Variants in SPATS1 observed in about 807,000 individuals in gnomAD.
The protein encoded by SPATS1 is spermatogenesis-associated serine-rich protein 1.
In SPATS1, 23 loss-of-function variants were observed where a neutral mutation model predicts 33.6. The ratio of observed to expected loss-of-function variants is 0.68; its 90% CI spans 0.49 to 0.97. The LOEUF (loss-of-function observed/expected upper bound fraction) is 0.97, where lower values mean the gene tolerates loss of function less well. SPATS1 is among the 50% of genes least tolerant of loss of function. The probability of loss-of-function intolerance (pLI) is 0.00; values close to 1 mark genes in which losing one functional copy is unlikely to be tolerated. For missense variants in SPATS1, 327 were observed against 361.0 expected, an observed-to-expected ratio of 0.91 and a Z score of 0.76; for synonymous variants, 131 against 125.6, an observed-to-expected ratio of 1.04 and a Z score of -0.29.
At position 44,379,532 on chromosome 6, in the gene SPATS1, G is replaced by A. The variant is rs1338896830; in HGVS notation, c.*2469G>A. On this transcript the variant is annotated 3_prime_UTR_variant, in exon 9 of 9. Transcript: ENST00000674044. ...GGAGAATGGTGTCAACCTGGGAGGC[G>A]GAGCTTGCAGTGACCCAAGATTGTG... Among the ~76,000 whole-genome samples the A allele has an allele frequency of 2.0e-5, 3 of 146,954 alleles. No homozygotes were observed. The highest frequency in any genetic ancestry group is 6.9e-5 in the Admixed American group (1 of 14,548).
chr6:44,374,013 A>G (rs1434677247), intron 7 of SPATS1, among the ~76,000 whole-genome samples: 1 of 152,254 alleles, frequency 6.6e-6, no homozygotes, highest in Admixed American at 6.5e-5. Flanking sequence ...ATGTGTACAT[A>G]GAGGAAAGAC....
intron 7 of SPATS1, among the ~76,000 whole-genome samples, chr6:44,372,124 C>T (rs376888875): frequency 6.9e-4 from 100 of 145,360 alleles, no homozygotes; most frequent in African/African-American, 7.7e-4. Context: ...TGTGGTGGCG[C>T]GCACCTGTAG....
At position 44,368,441 on chromosome 6, in the gene SPATS1, G is replaced by A; in HGVS notation, c.637G>A (p.Glu213Lys). ...AGGCGACAATCCATATATGTACCCA[G>A]AACAGAGTAAAGGCTTCCACAAAGC... is the stretch of plus-strand genomic sequence containing the variant. ...TPGDNPYMYP[E>K]QSKGFHKAGS... The change falls in exon 6 of 9, where the codon GAA becomes AAA. Residue 213 changes from glutamate to lysine, a missense_variant. Physicochemically the swap from Glu to Lys is moderately conservative, Grantham distance 56. Transcript: ENST00000674044. 1 of 1,613,724 alleles carries A rather than the reference G, an allele frequency of 6.2e-7. No individual in the cohort carries two copies. Among genetic ancestry groups the A allele is most frequent in the South Asian group, 1.1e-5 (1 of 91,040 alleles).
chr6:44,360,462 G>T lies in SPATS1; in HGVS notation c.304G>T (p.Asp102Tyr). ...TCTTTCCAGCACCACTGCTGACTTG[G>T]ATCGGAAACTCTCCTTCTCACATTC... The part of the protein sequence containing the change: ...SAYVDTTADL[D>Y]RKLSFSHSDH... The change falls in exon 4 of 9, where the codon GAT becomes TAT. Residue 102 changes from aspartate (D) to tyrosine (Y), a missense_variant. Asp to Tyr is a radical substitution (Grantham distance 160). Coordinates refer to ENST00000674044, the MANE Select transcript of SPATS1 (RefSeq NM_001372081.1). 1 of 1,614,122 alleles carries T rather than the reference G, an allele frequency of 6.2e-7. No individual in the cohort carries two copies. Among genetic ancestry groups the T allele is most frequent in the Non-Finnish European group, 8.5e-7 (1 of 1,180,024 alleles).
chr6:44,346,029 T>G (rs1787859836), intron 2 of SPATS1, among the ~76,000 whole-genome samples: 1 of 152,166 alleles, frequency 6.6e-6, no homozygotes. Flanking sequence ...GTCTCATGCC[T>G]GTAATCCCAG....
At chr6:44,370,158 T>A (rs1207936603) in intron 7 of SPATS1, 45 bp downstream of exon 7, 2 of 1,528,862 alleles carry the variant, frequency 1.3e-6, no homozygotes, top group Admixed American at 3.4e-5. Context: ...CTTTATTAAA[T>A]ATCGATTATT....
chr6:44,356,576 C>G (rs148611638), intron 3 of SPATS1, among the ~76,000 whole-genome samples: 3 of 152,198 alleles, frequency 2.0e-5, no homozygotes, highest in Non-Finnish European at 4.4e-5. Context: ...GGAGGATCCA[C>G]TTCCAAGCTC....
In SPATS1 at chr6:44,363,672, TTCCTTCCC is replaced by T. The variant is rs1317342684; in HGVS notation, c.574+1696_574+1703del. Among the ~76,000 whole-genome samples the T allele has an allele frequency of 4.8e-4, 12 of 25,050 alleles. 1 individual carries two copies. Among genetic ancestry groups the T allele is most frequent in the Non-Finnish European group, 1.9e-3 (11 of 5,938 alleles). The allele number at this position is 25,050 out of a possible 152,430, so 16.4% of individuals were successfully genotyped here. On this transcript the variant is annotated intron_variant, in intron 5 of 8. Coordinates refer to ENST00000674044, the MANE Select transcript of SPATS1 (RefSeq NM_001372081.1). ...CTTCCTTCCCTCCTTCCCTCCTTCC[TTCCTTCCC>T]TCCTTCCCTCCTTCCTTCCTTCCCT...
rs1561955556 is a variant in SPATS1, at chr6:44,352,810, C to CAG, written c.224_225insAG (p.Glu77TrpfsTer20). 13 of 1,614,162 alleles carry CAG rather than the reference C, an allele frequency of 8.1e-6. No individual in the cohort carries two copies. The highest frequency in any genetic ancestry group is 1.7e-6 in the Non-Finnish European group (2 of 1,180,002). ...GGCAAAAGTGTCAGTTCCTCATCTT[C>CAG]TGTGGAAACAGGCCCAAGTGTCAGT... On this transcript the variant is annotated frameshift_variant, in exon 3 of 9. Transcript: ENST00000674044. LOFTEE classifies it high-confidence loss of function.
intron 3 of SPATS1, among the ~76,000 whole-genome samples, chr6:44,358,469 C>T (rs983099779): frequency 1.6e-4 from 24 of 152,224 alleles, no homozygotes; most frequent in Middle Eastern, 3.4e-3. Flanking sequence ...ATTATTTCTT[C>T]GTCTTCTTTA....
At chr6:44,368,800 T>G (rs1482082998) in intron 6 of SPATS1, among the ~76,000 whole-genome samples, 1 of 152,200 alleles carries the variant, frequency 6.6e-6, no homozygotes, top group Non-Finnish European at 1.5e-5. Flanking sequence ...TAGTGACTAC[T>G]ATGTGGGTGG....
chr6:44,353,435 G>C (rs958444290), intron 3 of SPATS1, among the ~76,000 whole-genome samples: 5 of 152,128 alleles, frequency 3.3e-5, no homozygotes, highest in African/African-American at 4.8e-5. Context: ...ACCCAGGCTG[G>C]AGTAGAGTGG....
chr6:44,362,014 T>C, intron 5 of SPATS1, 22 bp downstream of exon 5: 1 of 1,614,006 alleles, frequency 6.2e-7, no homozygotes, highest in East Asian at 2.2e-5. Context: ...TTCTGGGTCT[T>C]GACTGTGCAG....
intron 2 of SPATS1, among the ~76,000 whole-genome samples, 158 bp from the exon 3 acceptor site, chr6:44,352,568 G>A (rs755176137): frequency 6.6e-6 from 1 of 152,126 alleles, no homozygotes; most frequent in South Asian, 2.1e-4. Flanking sequence ...AGGGATAAAT[G>A]GAATAATATG....
chr6:44,361,782 T>C (rs1788937345), intron 4 of SPATS1, 49 bp from the exon 5 acceptor site: 2 of 1,611,036 alleles, frequency 1.2e-6, no homozygotes, highest in Non-Finnish European at 1.7e-6. Flanking sequence ...TCCAGTTGCA[T>C]TATGAGGCTG....
At chr6:44,356,318 C>T (rs939148423) in intron 3 of SPATS1, among the ~76,000 whole-genome samples, 1 of 152,166 alleles carries the variant, frequency 6.6e-6, no homozygotes, top group African/African-American at 2.4e-5. Flanking sequence ...TTACCATGGT[C>T]CCACTCAAGG....
At chr6:44,352,931 A>C in intron 3 of SPATS1, 58 bp downstream of exon 3, 1 of 1,577,760 alleles carries the variant, frequency 6.3e-7, no homozygotes, top group Non-Finnish European at 8.7e-7. Context: ...CCAAGAAGCC[A>C]ATAGTCTGAG....
chr6:44,377,493 T>C lies in SPATS1; in HGVS notation c.*430T>C. 1 of 182,300 alleles carries C rather than the reference T, an allele frequency of 5.5e-6. No homozygotes were observed. The highest frequency in any genetic ancestry group is 1.2e-5 in the Non-Finnish European group (1 of 86,494). The allele number at this position is 182,300 out of a possible 1,614,324, so 11.3% of individuals were successfully genotyped here. ...AGAATTTAACACTGATAAAATATTA[T>C]TAACATTTAGTCCACATTCAATTTT... On this transcript the variant is annotated 3_prime_UTR_variant, in exon 9 of 9. Transcript: ENST00000674044.
At chr6:44,353,230 G>A (rs2153366136) in intron 3 of SPATS1, among the ~76,000 whole-genome samples, 1 of 152,306 alleles carries the variant, frequency 6.6e-6, no homozygotes, top group Non-Finnish European at 1.5e-5. Flanking sequence ...ATATTTTTGG[G>A]ATATGTACAT....
Sources: allele counts gnomAD v4.1 joint callset (sites outside exome capture counted in the v4.1 genomes callset), GRCh38; gene constraint gnomAD v4.1.1; transcripts MANE v1.5; gene names NCBI Gene and HGNC (gene_info 2026-07-23, HGNC 2026-07-21).